Variants in RBFOX1 observed in about 807,000 individuals in gnomAD.
The protein encoded by RBFOX1 is RNA binding fox-1 homolog 1.
In RBFOX1, 8 loss-of-function variants were observed where a neutral mutation model predicts 57.7. That is an observed-to-expected ratio of 0.14 (90% CI 0.08 to 0.25). RBFOX1 has a LOEUF of 0.25. Among genes scored for constraint, RBFOX1 ranks in the 10% least tolerant of loss-of-function variants. The probability of loss-of-function intolerance (pLI) is 1.00; values close to 1 mark genes in which losing one functional copy is unlikely to be tolerated. For missense variants in RBFOX1, 611 were observed against 548.5 expected, an observed-to-expected ratio of 1.11 and a Z score of -1.14; for synonymous variants, 326 against 222.4, an observed-to-expected ratio of 1.47 and a Z score of -4.15.
chr16:6,301,378 G>C (rs2078804739), intron 1 of RBFOX1, among the ~76,000 whole-genome samples: 2 of 152,052 alleles, frequency 1.3e-5, no homozygotes, highest in African/African-American at 4.8e-5. Flanking sequence ...TGCCTTATTA[G>C]GATTAAAGAC....
chr16:5,704,389 G>C (rs534933170), intron 3 of RBFOX1, among the ~76,000 whole-genome samples: 2 of 152,212 alleles, frequency 1.3e-5, no homozygotes, highest in East Asian at 3.9e-4. Flanking sequence ...CTGGGGGTCT[G>C]GGGGTCGCCA....
At chr16:5,930,311 T>TTGGA (rs1374374337) in intron 4 of RBFOX1, among the ~76,000 whole-genome samples, 1 of 90,140 alleles carries the variant, frequency 1.1e-5, no homozygotes, top group Non-Finnish European at 2.3e-5. Context: ...GGGTGGTTGG[T>TTGGA]TGGATGGATG....
chr16:5,734,522 G>A (rs1480410344), intron 3 of RBFOX1, among the ~76,000 whole-genome samples: 1 of 152,178 alleles, frequency 6.6e-6, no homozygotes, highest in African/African-American at 2.4e-5. Flanking sequence ...ATGGAGTGTT[G>A]CCATTGCCAA....
chr16:5,672,025 T>A (rs1004462297), intron 3 of RBFOX1, among the ~76,000 whole-genome samples: 2 of 152,122 alleles, frequency 1.3e-5, no homozygotes, highest in Non-Finnish European at 2.9e-5. Flanking sequence ...GGTGGAGAGA[T>A]TTGCATCTTT....
At chr16:7,175,919 C>T (rs960293808) in intron 4 of RBFOX1, among the ~76,000 whole-genome samples, 5 of 152,110 alleles carry the variant, frequency 3.3e-5, no homozygotes, top group African/African-American at 9.6e-5. Flanking sequence ...GAAACAGACA[C>T]CAATTCCTCT....
At chr16:5,918,492 C>T (rs575382647) in intron 4 of RBFOX1, among the ~76,000 whole-genome samples, 5 of 152,276 alleles carry the variant, frequency 3.3e-5, no homozygotes, top group East Asian at 3.9e-4. Context: ...AGTTCCGTAT[C>T]GTAAGTCACC....
intron 4 of RBFOX1, among the ~76,000 whole-genome samples, chr16:7,292,488 T>C (rs2095810439): frequency 7.2e-6 from 1 of 139,214 alleles, no homozygotes; most frequent in East Asian, 2.1e-4. Context: ...TTATATAATA[T>C]GTATTATGTA....
chr16:6,126,790 C>T lies in RBFOX1; in HGVS notation c.-127+106798C>T, dbSNP rs189591203. Among the ~76,000 whole-genome samples, 17 of 152,120 alleles carry T rather than the reference C, an allele frequency of 1.1e-4. No individual in the cohort carries two copies. The East Asian group carries it at 3.3e-3, about 29-fold the overall frequency. ...ATGTATCTCAAGGGTCTACTAGAGA[C>T]CAGGTAATGAGCTAGGAGCTGGAGG... On this transcript the variant is annotated intron_variant, in intron 1 of 15. Transcript: ENST00000550418.
At chr16:5,729,396 C>CTTTTTTTTTTTTTTTTTTTT (rs71142649) in intron 3 of RBFOX1, among the ~76,000 whole-genome samples, 1 of 111,480 alleles carries the variant, frequency 9.0e-6, no homozygotes, top group African/African-American at 3.4e-5. Context: ...TTTTTCTTTT[C>CTTTTTTTTTTTTTTTTTTTT]TTTTTTTTTT....
At chr16:6,544,868 C>T (rs780375756) in intron 2 of RBFOX1, among the ~76,000 whole-genome samples, 8 of 152,232 alleles carry the variant, frequency 5.3e-5, no homozygotes, top group African/African-American at 1.9e-4. Flanking sequence ...AAGTTGGAAT[C>T]CGTTACCTTT....
At chr16:6,629,825 C>T (rs984376466) in intron 2 of RBFOX1, among the ~76,000 whole-genome samples, 4 of 152,110 alleles carry the variant, frequency 2.6e-5, no homozygotes, top group African/African-American at 9.7e-5. Flanking sequence ...TCCTTTTAAT[C>T]AGACGTTTTA....
chr16:6,762,253 G>T (rs569348750), intron 3 of RBFOX1, among the ~76,000 whole-genome samples: 2 of 152,252 alleles, frequency 1.3e-5, no homozygotes, highest in South Asian at 4.2e-4. Flanking sequence ...GAGAGTGATA[G>T]GTTATATATG....
chr16:5,358,997 A>G (rs1197021825), intron 1 of RBFOX1, among the ~76,000 whole-genome samples: 2 of 151,324 alleles, frequency 1.3e-5, no homozygotes, highest in Non-Finnish European at 2.9e-5. Flanking sequence ...CCATCCTTCT[A>G]CTCTCTGTTT....
chr16:7,640,904 T>TAAAAA (rs112548606), intron 11 of RBFOX1, among the ~76,000 whole-genome samples: 1 of 147,110 alleles, frequency 6.8e-6, no homozygotes. Context: ...GGATTTACAT[T>TAAAAA]AAAAAAAAAA....
intron 4 of RBFOX1, among the ~76,000 whole-genome samples, chr16:7,348,712 A>G (rs1188944359): frequency 6.6e-6 from 1 of 152,136 alleles, no homozygotes; most frequent in Non-Finnish European, 1.5e-5. Flanking sequence ...GAGGCTGAGG[A>G]TGGCAGATCA....
At chr16:6,308,403 C>T (rs1044290120) in intron 1 of RBFOX1, among the ~76,000 whole-genome samples, 10 of 152,184 alleles carry the variant, frequency 6.6e-5, no homozygotes, top group African/African-American at 2.4e-4. Flanking sequence ...GGCATGAAAG[C>T]AATCTTAGAT....
In RBFOX1 at chr16:5,269,890, C is replaced by T. The variant is rs184713857; in HGVS notation, c.219+29785C>T. ...AGATTCCAGGCTGGGCATGGTGGCT[C>T]ACACCTGAAATCCCAGTGCTTTGGG... On this transcript the variant is annotated intron_variant, in intron 1 of 2. Transcript: ENST00000585867. Among the ~76,000 whole-genome samples the T allele has an allele frequency of 4.6e-3, 704 of 152,280 alleles. 9 individuals are homozygous for T. Among genetic ancestry groups the T allele is most frequent in the African/African-American group, 0.016 (654 of 41,546 alleles).
intron 1 of RBFOX1, among the ~76,000 whole-genome samples, chr16:6,140,658 C>G (rs749540796): frequency 1.4e-4 from 21 of 152,322 alleles, no homozygotes; most frequent in Non-Finnish European, 8.8e-5. Context: ...TCCCTCCTGT[C>G]TGTGTAACTT....
rs370689202 is a variant in RBFOX1, at chr16:5,742,831, A to G, written c.319-124472A>G. Among the ~76,000 whole-genome samples the G allele has an allele frequency of 5.9e-5, 9 of 152,306 alleles. 3 individuals carry two copies. The highest frequency in any genetic ancestry group is 2.6e-4 in the Admixed American group (4 of 15,308). ...AAGGTAAGCTAGCCTGAAAGAACCA[A>G]TGGGGGCTAAGAGCTAGCTTGAAGA... On this transcript the variant is annotated intron_variant, in intron 3 of 19. Coordinates refer to the RBFOX1 transcript ENST00000641259.
Sources: gnomAD v4.1 joint callset for allele counts (sites outside exome capture counted in the v4.1 genomes callset) on GRCh38, gnomAD v4.1.1 for gene constraint, MANE v1.5 for transcripts, NCBI Gene and HGNC (gene_info 2026-07-23, HGNC 2026-07-21) for gene names.